Variants in RPE observed in about 807,000 individuals in gnomAD.
The protein encoded by RPE is ribulose-5-phosphate-3-epimerase, also known as ribulose-phosphate 3-epimerase.
A neutral mutation model predicts 24.6 loss-of-function variants in RPE; 16 were observed. The observed-to-expected ratio is 0.65, with a 90% CI of 0.44 to 0.99. The LOEUF (loss-of-function observed/expected upper bound fraction) is 0.99, where lower values mean the gene tolerates loss of function less well. Ranked by LOEUF, RPE falls within the 50% of genes least tolerant of loss-of-function variation. RPE has a pLI of 0.00. For synonymous variants in RPE, 93 were observed against 98.4 expected, an observed-to-expected ratio of 0.94 and a Z score of 0.33; for missense variants, 240 against 294.5, an observed-to-expected ratio of 0.81 and a Z score of 1.35.
intron 2 of RPE, among the ~76,000 whole-genome samples, chr2:210,014,437 A>G (rs562247465): frequency 8.8e-4 from 134 of 152,252 alleles, no homozygotes; most frequent in African/African-American, 3.1e-3. Flanking sequence ...TTATGATGCA[A>G]AGAATAAGAA....
chr2:210,018,720 A>G (rs762964262), intron 5 of RPE: 3 of 985,202 alleles, frequency 3.0e-6, no homozygotes, highest in East Asian at 1.1e-4. Context: ...AGAGGTAGCA[A>G]ATTTTTTGTG....
At position 210,018,956 on chromosome 2, in the gene RPE, G is replaced by C; in HGVS notation, c.565-713G>C. ...TGTCTGGAAAAATTTTCCTCAGCCT[G>C]TGGTTCTCCCACTTCTCCCTCTTTG... is the stretch of plus-strand genomic sequence containing the variant. On this transcript the variant is annotated intron_variant, in intron 5 of 5. Coordinates refer to ENST00000359429, the MANE Select transcript of RPE (RefSeq NM_199229.3). Among the ~76,000 whole-genome samples the C allele has an allele frequency of 2.6e-5, 4 of 152,154 alleles. 1 individual carries two copies. The South Asian group carries it at 8.3e-4, about 32-fold the overall frequency.
At chr2:210,018,587 T>G (rs1235896390) in intron 5 of RPE, 1 of 985,114 alleles carries the variant, frequency 1.0e-6, no homozygotes, top group African/African-American at 1.7e-5. Context: ...AGCTTGACAG[T>G]AGTAAATACT....
chr2:210,005,957 T>G (rs1490061815), intron 1 of RPE, among the ~76,000 whole-genome samples: 1 of 152,150 alleles, frequency 6.6e-6, no homozygotes. Context: ...TGTGTTAGAA[T>G]TACGTAAGTA....
In RPE at chr2:210,009,694, G is replaced by A. The variant is rs1306410212; in HGVS notation, c.160G>A (p.Val54Ile). ...CAACATCACCTTTGGTCACCCTGTG[G>A]TAGAAAGCCTTCGAAAGCAGCTAGG... Reference protein sequence around the residue: ...VPNITFGHPVVESLRKQLGQD... With the variant: ...VPNITFGHPVIESLRKQLGQD... Residue 54 changes from valine to isoleucine, a missense_variant, in exon 2 of 6, where the codon GTA (valine) becomes ATA (isoleucine). Physicochemically the swap from Val to Ile is conservative, Grantham distance 29. Coordinates refer to ENST00000359429, the MANE Select transcript of RPE (RefSeq NM_199229.3). 5.0e-6 allele frequency: 8 copies of A among 1,614,108 alleles called. No homozygotes were observed. Among genetic ancestry groups the A allele is most frequent in the Non-Finnish European group, 6.8e-6 (8 of 1,180,002 alleles).
chr2:210,018,306 C>A (rs917142774), intron 5 of RPE: 17 of 1,454,844 alleles, frequency 1.2e-5, no homozygotes, highest in Non-Finnish European at 1.3e-5. Flanking sequence ...TTTAGTTGTT[C>A]CTTGTAAGAA....
In RPE at chr2:210,016,042, A is replaced by G; in HGVS notation, c.272A>G (p.Tyr91Cys). The change falls in exon 3 of 6, where the codon TAC becomes TGC. Residue 91 changes from tyrosine to cysteine, a missense_variant. Coordinates refer to ENST00000359429, the MANE Select transcript of RPE (RefSeq NM_199229.3). ...KPMAVAGANQYTFHLEATENP... is the reference protein window; with the variant it reads ...KPMAVAGANQCTFHLEATENP... Reference sequence around the variant, plus strand: ...ATGGCTGTAGCAGGAGCCAATCAGTACACCTTTCATCTCGAGGCTACTGAG... The same window carrying G: ...ATGGCTGTAGCAGGAGCCAATCAGTGCACCTTTCATCTCGAGGCTACTGAG... 6.2e-7 allele frequency: 1 copy of G among 1,614,244 alleles called. No individual in the cohort carries two copies. Among genetic ancestry groups the G allele is most frequent in the Non-Finnish European group, 8.5e-7 (1 of 1,180,036 alleles).
chr2:210,020,304 A>T lies in RPE; in HGVS notation c.*513A>T, dbSNP rs2093840178. The T allele has an allele frequency of 6.0e-6, 1 of 166,914 alleles. No individual in the cohort carries two copies. The highest frequency in any genetic ancestry group is 2.1e-4 in the South Asian group (1 of 4,832). The allele number at this position is 166,914 out of a possible 1,614,324, so 10.3% of individuals were successfully genotyped here. Reference sequence around the variant, plus strand: ...TCTATCACTTTTCACCTTACACTTGATGTGTGAAAACTATAAAAACAATGT... The same window carrying T: ...TCTATCACTTTTCACCTTACACTTGTTGTGTGAAAACTATAAAAACAATGT... On this transcript the variant is annotated 3_prime_UTR_variant, in exon 6 of 6. Coordinates refer to ENST00000359429, the MANE Select transcript of RPE (RefSeq NM_199229.3).
intron 1 of RPE, among the ~76,000 whole-genome samples, chr2:210,005,444 C>T (rs112020963): frequency 0.013 from 1,915 of 152,076 alleles, 20 homozygotes; most frequent in South Asian, 0.038. Flanking sequence ...ATATGTGAAA[C>T]AAAGGACAAG....
At chr2:210,006,397 C>T (rs1387508799) in intron 1 of RPE, among the ~76,000 whole-genome samples, 1 of 152,070 alleles carries the variant, frequency 6.6e-6, no homozygotes, top group Non-Finnish European at 1.5e-5. Context: ...CTTAGCGTAG[C>T]CTTTGGGTTT....
rs187999981 is a variant in RPE at position 210,011,941 on chromosome 2, C to G, written c.202+2205C>G. 9.9e-5 allele frequency among the ~76,000 whole-genome samples: 15 copies of G among 151,184 alleles called. 1 individual carries two copies. In the East Asian group the frequency reaches 2.9e-3, roughly 30 times the overall value. ...AAGCCATCCTCCTGCCTTGGCTTCC[C>G]AAAGTGTTGTGATAGTAGGTGTAAG... On this transcript the variant is annotated intron_variant, in intron 2 of 5. Coordinates refer to ENST00000359429, the MANE Select transcript of RPE (RefSeq NM_199229.3).
At chr2:210,005,192 C>G (rs2093613654) in intron 1 of RPE, among the ~76,000 whole-genome samples, 1 of 151,940 alleles carries the variant, frequency 6.6e-6, no homozygotes, top group Non-Finnish European at 1.5e-5. Context: ...CTGTGGACTC[C>G]TTTTTGAAAT....
intron 2 of RPE, among the ~76,000 whole-genome samples, chr2:210,011,147 A>G (rs984229271): frequency 2.0e-5 from 3 of 152,166 alleles, no homozygotes. Flanking sequence ...TTTATGTGGC[A>G]TGAGGAAACA....
chr2:210,003,574 C>A, intron 1 of RPE: 2 of 557,900 alleles, frequency 3.6e-6, no homozygotes, highest in Non-Finnish European at 5.8e-6. Flanking sequence ...CCAGAGAAAG[C>A]AGTAAGACTC....
intron 2 of RPE, among the ~76,000 whole-genome samples, chr2:210,014,255 A>G (rs1394723029): frequency 6.6e-6 from 1 of 151,594 alleles, no homozygotes; most frequent in African/African-American, 2.4e-5. Flanking sequence ...CGCCCAGCTA[A>G]TTTTTTTGTA....
chr2:210,009,826 C>T (rs2093677707), intron 2 of RPE, 90 bp downstream of exon 2: 1 of 1,551,590 alleles, frequency 6.4e-7, no homozygotes, highest in Non-Finnish European at 8.9e-7. Context: ...GTTCATCTGG[C>T]ACCCTTTCCC....
At position 210,020,439 on chromosome 2, in the gene RPE, T is replaced by A. The variant is rs2125097486; in HGVS notation, c.*648T>A. ...CATTCTTAAGAACGTTAAATAATGC[T>A]GTTGTGTTAGCTCTGAGTAGAAAGG... is the stretch of plus-strand genomic sequence containing the variant. On this transcript the variant is annotated 3_prime_UTR_variant, in exon 6 of 6. Coordinates refer to ENST00000359429, the MANE Select transcript of RPE (RefSeq NM_199229.3). 1 of 167,148 alleles carries A rather than the reference T, an allele frequency of 6.0e-6. No homozygotes were observed. Among genetic ancestry groups the A allele is most frequent in the Non-Finnish European group, 1.5e-5 (1 of 68,100 alleles). The allele number at this position is 167,148 out of a possible 1,614,324, so 10.4% of individuals were successfully genotyped here.
intron 2 of RPE, among the ~76,000 whole-genome samples, chr2:210,012,905 T>C (rs767269295): frequency 2.6e-5 from 4 of 152,224 alleles, no homozygotes; most frequent in Non-Finnish European, 4.4e-5. Context: ...TTGTAAGATG[T>C]GTGTAACTCA....
In RPE at chr2:210,020,888, T is replaced by G. The variant is rs1192122611; in HGVS notation, c.*1097T>G. 1 of 152,590 alleles carries G rather than the reference T, an allele frequency of 6.6e-6. No individual in the cohort carries two copies. Among genetic ancestry groups the G allele is most frequent in the Non-Finnish European group, 1.5e-5 (1 of 67,974 alleles). 9.5% of individuals were successfully genotyped at this position (152,590 alleles called of 1,614,324 possible). Reference sequence around the variant, plus strand: ...ATCTGGGAAGTGGTAGAATTTCTGGTCTGTACTTTTACAAATGGAGCCCTT... The same window carrying G: ...ATCTGGGAAGTGGTAGAATTTCTGGGCTGTACTTTTACAAATGGAGCCCTT... On this transcript the variant is annotated 3_prime_UTR_variant, in exon 6 of 6. Coordinates refer to ENST00000359429, the MANE Select transcript of RPE (RefSeq NM_199229.3).
Sources: allele counts gnomAD v4.1 joint callset (sites outside exome capture counted in the v4.1 genomes callset), GRCh38; gene constraint gnomAD v4.1.1; transcripts MANE v1.5; gene names NCBI Gene and HGNC (gene_info 2026-07-23, HGNC 2026-07-21).